The following ZBTB20 variants were observed in gnomAD, a reference collection of about 807,000 sequenced individuals.
The protein encoded by ZBTB20 is zinc finger and BTB domain-containing protein 20.
Under a neutral mutation model 56.9 loss-of-function variants are expected in ZBTB20, and 9 were observed. That is an observed-to-expected ratio of 0.16 (90% CI 0.10 to 0.28). ZBTB20 has a LOEUF of 0.28. ZBTB20 is among the 10% of genes least tolerant of loss of function. The pLI, the probability that ZBTB20 is intolerant of heterozygous loss-of-function variation, is 1.00. For missense variants in ZBTB20, 655 were observed against 1,003.0 expected (o/e 0.65, Z 4.69); for synonymous variants, 417 against 420.7 (o/e 0.99, Z 0.11).
chr3:114,682,736 A>G (rs1374347020), intron 6 of ZBTB20, among the ~76,000 whole-genome samples: 3 of 152,188 alleles, frequency 2.0e-5, no homozygotes, highest in Non-Finnish European at 2.9e-5. Context: ...AATATATGTG[A>G]TAGACCGGAT....
intron 6 of ZBTB20, among the ~76,000 whole-genome samples, chr3:114,639,483 C>A (rs867562075): frequency 1.7e-5 from 1 of 57,950 alleles, no homozygotes; most frequent in East Asian, 5.4e-4. Flanking sequence ...TTTTTTTTTT[C>A]TCTCCTAGAG....
chr3:115,146,725 G>T (rs957114456), intron 1 of ZBTB20, among the ~76,000 whole-genome samples: 1 of 152,186 alleles, frequency 6.6e-6, no homozygotes, highest in Non-Finnish European at 1.5e-5. Context: ...GCAAGCGGGG[G>T]AGGGCGAGGA....
intron 4 of ZBTB20, among the ~76,000 whole-genome samples, chr3:114,885,689 T>TGTG (rs2076578074): frequency 6.6e-6 from 1 of 152,214 alleles, no homozygotes; most frequent in African/African-American, 2.4e-5. Flanking sequence ...CATTTAACTA[T>TGTG]ATTATCATTT....
At chr3:114,656,124 G>T (rs573861227) in intron 6 of ZBTB20, among the ~76,000 whole-genome samples, 2 of 152,266 alleles carry the variant, frequency 1.3e-5, no homozygotes, top group Non-Finnish European at 2.9e-5. Context: ...TTAAGAAATG[G>T]CATTACATTT....
At chr3:114,789,673 A>T (rs1329453049) in intron 5 of ZBTB20, among the ~76,000 whole-genome samples, 2 of 152,162 alleles carry the variant, frequency 1.3e-5, no homozygotes, top group Non-Finnish European at 2.9e-5. Flanking sequence ...GCTAGAAAAG[A>T]TTAAGTATCC....
intron 6 of ZBTB20, among the ~76,000 whole-genome samples, chr3:114,669,000 A>G (rs1362048323): frequency 6.6e-6 from 1 of 152,114 alleles, no homozygotes; most frequent in Non-Finnish European, 1.5e-5. Context: ...CAACAACAAC[A>G]AAACTGTAGT....
At chr3:114,569,045 T>C (rs2053121415) in intron 6 of ZBTB20, among the ~76,000 whole-genome samples, 1 of 152,224 alleles carries the variant, frequency 6.6e-6, no homozygotes. Flanking sequence ...AACAGGTATT[T>C]GTTCTCCATT....
At chr3:115,118,703 A>AATTTTTTTTT (rs2084091469) in intron 1 of ZBTB20, among the ~76,000 whole-genome samples, 1 of 82,210 alleles carries the variant, frequency 1.2e-5, no homozygotes. Context: ...CCTGGTACAA[A>AATTTTTTTTT]TTTTTTTTTT....
At chr3:114,582,595 G>C (rs1188040068) in intron 6 of ZBTB20, among the ~76,000 whole-genome samples, 1 of 152,114 alleles carries the variant, frequency 6.6e-6, no homozygotes, top group Non-Finnish European at 1.5e-5. Flanking sequence ...GGCCAGGCTG[G>C]TCTCGAACTC....
intron 7 of ZBTB20, among the ~76,000 whole-genome samples, chr3:114,423,190 A>C (rs2089342583): frequency 6.6e-6 from 1 of 152,112 alleles, no homozygotes; most frequent in South Asian, 2.1e-4. Context: ...TCCATGGAAC[A>C]CTCTTTAACC....
chr3:114,765,654 A>G (rs1263219414), intron 5 of ZBTB20, among the ~76,000 whole-genome samples: 3 of 152,190 alleles, frequency 2.0e-5, no homozygotes, highest in Admixed American at 6.6e-5. Context: ...GGAAACTAAT[A>G]CAATAATGAT....
intron 7 of ZBTB20, among the ~76,000 whole-genome samples, chr3:114,452,247 T>C (rs1409259140): frequency 6.6e-6 from 1 of 152,128 alleles, no homozygotes; most frequent in Non-Finnish European, 1.5e-5. Flanking sequence ...GTTTCTCTTA[T>C]TTGGATGACA....
At chr3:114,766,257 C>A (rs1197238964) in intron 5 of ZBTB20, among the ~76,000 whole-genome samples, 1 of 151,844 alleles carries the variant, frequency 6.6e-6, no homozygotes, top group Non-Finnish European at 1.5e-5. Context: ...AGAAGGCTAG[C>A]TGGTATTGAG....
rs559206242 is a variant in ZBTB20 at position 114,372,824 on chromosome 3, A to G, written c.199+7393T>C. Among the ~76,000 whole-genome samples the G allele has an allele frequency of 4.6e-5, 7 of 152,334 alleles. No homozygotes were observed. In the South Asian group the frequency reaches 1.5e-3, roughly 32 times the overall value. ...GCACTGCTGTACTCCAGCCTGGGCA[A>G]CAGAGCCAGACCCTGTTTAAACAAA... is the stretch of plus-strand genomic sequence containing the variant. On this transcript the variant is annotated intron_variant, in intron 10 of 11. Transcript: ENST00000675478.
At chr3:114,988,017 CTTT>C (rs993987662) in intron 2 of ZBTB20, among the ~76,000 whole-genome samples, 1 of 144,944 alleles carries the variant, frequency 6.9e-6, no homozygotes, top group African/African-American at 2.5e-5. Context: ...CTATCGTCTT[CTTT>C]TTTTTTCTTT....
intron 4 of ZBTB20, among the ~76,000 whole-genome samples, chr3:114,841,660 A>G (rs965900349): frequency 1.3e-5 from 2 of 152,162 alleles, no homozygotes; most frequent in African/African-American, 4.8e-5. Context: ...CAAGTTTCTA[A>G]TGTCGGCAAT....
At chr3:114,771,106 T>C (rs1297300887) in intron 5 of ZBTB20, among the ~76,000 whole-genome samples, 2 of 152,206 alleles carry the variant, frequency 1.3e-5, no homozygotes, top group African/African-American at 4.8e-5. Context: ...CTCAGAACTC[T>C]ATTTTTTTTC....
intron 6 of ZBTB20, among the ~76,000 whole-genome samples, chr3:114,567,165 T>A (rs1026991914): frequency 6.6e-6 from 1 of 152,186 alleles, no homozygotes; most frequent in Non-Finnish European, 1.5e-5. Flanking sequence ...TGTTATTGTG[T>A]GACTTTTCTC....
At chr3:114,718,859 T>A (rs1033516463) in intron 5 of ZBTB20, among the ~76,000 whole-genome samples, 2 of 151,934 alleles carry the variant, frequency 1.3e-5, no homozygotes, top group Non-Finnish European at 2.9e-5. Flanking sequence ...TTTTGGGTCA[T>A]GAGAACATAG....
Sources: allele counts gnomAD v4.1 joint callset (sites outside exome capture counted in the v4.1 genomes callset), GRCh38; gene constraint gnomAD v4.1.1; transcripts MANE v1.5; gene names NCBI Gene and HGNC (gene_info 2026-07-23, HGNC 2026-07-21).